FANCM: variants seen among roughly 807,000 people sequenced by gnomAD.
The protein encoded by FANCM is Fanconi anemia group M protein.
A neutral mutation model predicts 199.5 loss-of-function variants in FANCM; 140 were observed. The ratio of observed to expected loss-of-function variants is 0.70; its 90% CI spans 0.61 to 0.81. FANCM has a LOEUF of 0.81. FANCM is among the 30% of genes least tolerant of loss of function. FANCM has a pLI of 0.00. For synonymous variants in FANCM, 840 were observed against 836.8 expected (o/e 1.00, Z -0.07); for missense variants, 2,410 against 2,421.4 (o/e 1.00, Z 0.10).
At position 45,154,211 on chromosome 14, in the gene FANCM, G is replaced by A. The variant is rs192890750; in HGVS notation, c.1183+159G>A. 2.9e-3 allele frequency among the ~76,000 whole-genome samples: 437 copies of A among 152,104 alleles called. 5 individuals are homozygous for A. Among genetic ancestry groups the A allele is most frequent in the Admixed American group, 0.021 (316 of 15,268 alleles). On this transcript the variant is annotated intron_variant, in intron 6 of 22. Transcript: ENST00000267430. ...AGGTCAGGAGTTCAAGACCAGCCTG[G>A]CCAACATGGTGAAACCCTGTCTCTA...
rs117392855 is a variant in FANCM at position 45,173,084 on chromosome 14, A to G, written c.2190A>G (p.Gln730=). ...PAQESTTGIH[Q]LSLSEWRLWQ... ...AAGAATCAACCACTGGAATTCATCA[A>G]CTCTCTCTCTCTGAATGGAGACTGT... The change falls in exon 13 of 23, where the codon CAA becomes CAG. Residue 730 remains glutamine (Q), a synonymous_variant. Transcript: ENST00000267430. 1.5e-3 allele frequency: 2,474 copies of G among 1,608,246 alleles called. 43 individuals are homozygous for G. The East Asian group carries it at 0.041, about 27-fold the overall frequency.
chr14:45,143,850 T>C (rs1338397737), intron 3 of FANCM, among the ~76,000 whole-genome samples: 1 of 151,658 alleles, frequency 6.6e-6, no homozygotes, highest in Non-Finnish European at 1.5e-5. Context: ...CCCACCACCA[T>C]GCTCAGCTAA....
In FANCM at chr14:45,196,458, A is replaced by G. The variant is rs45557033; in HGVS notation, c.5627A>G (p.Asn1876Ser). The G allele has an allele frequency of 0.027, 43,422 of 1,614,114 alleles. 741 individuals carry two copies. Among genetic ancestry groups the G allele is most frequent in the Non-Finnish European group, 0.031 (36,804 of 1,179,952 alleles). ...CAATCTGAGATGTTAAATAGTGTCA[A>G]TAAGAACAAGTTCATTGAGCAGATC... ...RSQSEMLNSV[N>S]KNKFIEQIQH... The change falls in exon 21 of 23, where the codon AAT becomes AGT. Residue 1876 changes from asparagine to serine, a missense_variant. Transcript: ENST00000267430.
chr14:45,175,051 T>A lies in FANCM; in HGVS notation c.2317-20T>A. ...TTTGTTTTGTTTTCCTGTGGCTTTTTAAATTTTCCTTATTTATAGGGAGAA... is the reference window on the plus strand; with the variant it reads ...TTTGTTTTGTTTTCCTGTGGCTTTTAAAATTTTCCTTATTTATAGGGAGAA... On this transcript the variant is annotated intron_variant, in intron 13 of 22. Transcript: ENST00000267430. 6.5e-7 allele frequency: 1 copy of A among 1,545,656 alleles called. No homozygotes were observed. Among genetic ancestry groups the A allele is most frequent in the Non-Finnish European group, 8.9e-7 (1 of 1,120,294 alleles).
At chr14:45,156,213 A>C (rs561767107) in intron 8 of FANCM, among the ~76,000 whole-genome samples, 31 of 152,322 alleles carry the variant, frequency 2.0e-4, no homozygotes, top group Non-Finnish European at 4.1e-4. Flanking sequence ...TAAAAATAGC[A>C]GATTCAAAGG....
intron 3 of FANCM, among the ~76,000 whole-genome samples, chr14:45,145,581 C>T (rs1594761825): frequency 6.6e-6 from 1 of 152,206 alleles, no homozygotes; most frequent in Non-Finnish European, 1.5e-5. Flanking sequence ...TCTTTCTCCA[C>T]ACCACAGGGC....
chr14:45,146,053 C>T (rs1380162251), intron 3 of FANCM, among the ~76,000 whole-genome samples: 25 of 131,802 alleles, frequency 1.9e-4, no homozygotes, highest in African/African-American at 2.6e-4. Context: ...AGCGAGACTC[C>T]GTCTCAAAAA....
chr14:45,157,071 A>G lies in FANCM; in HGVS notation c.1396+1612A>G, dbSNP rs149152324. On this transcript the variant is annotated intron_variant, in intron 8 of 22. Transcript: ENST00000267430. ...ATATGTATGTTAATTAGCTTGATTTAGCCATTTCACAATGTATATAGACAT... is the reference window on the plus strand; with the variant it reads ...ATATGTATGTTAATTAGCTTGATTTGGCCATTTCACAATGTATATAGACAT... Among the ~76,000 whole-genome samples, 163 of 152,278 alleles carry G rather than the reference A, an allele frequency of 1.1e-3. 1 individual carries two copies. The South Asian group carries it at 0.018, about 17-fold the overall frequency.
rs1308838893 is a variant in FANCM at position 45,136,026 on chromosome 14, G to C, written c.-6G>C. The C allele has an allele frequency of 1.2e-6, 2 of 1,613,068 alleles. No homozygotes were observed. Among genetic ancestry groups the C allele is most frequent in the South Asian group, 1.1e-5 (1 of 91,068 alleles). ...CTGACAGAAGCCTTCGGTGGTTGTC[G>C]GCCTAATGAGCGGACGGCAAAGAAC... is the stretch of plus-strand genomic sequence containing the variant. On this transcript the variant is annotated 5_prime_UTR_variant, in exon 1 of 23. Coordinates refer to ENST00000267430, the MANE Select transcript of FANCM (RefSeq NM_020937.4).
Position 45,148,978 on chromosome 14 carries a change from C to T in FANCM, c.901C>T (p.Gln301Ter). 1 of 1,613,484 alleles carries T rather than the reference C, an allele frequency of 6.2e-7. No homozygotes were observed. The highest frequency in any genetic ancestry group is 1.7e-5 in the Admixed American group (1 of 59,992). The change falls in exon 4 of 23, where the codon CAA becomes TAA. Residue 301 changes from glutamine (Q) to a stop codon, truncating the protein, a stop_gained. Transcript: ENST00000267430. LOFTEE classifies it high-confidence loss of function. ...GCTTGGTGAAGAACTTGCAGCCATC[C>T]AAAAGACCTATATCCAGGTAAACCA... ...VPLGEELAAI[Q>*]KTYIQILESF...
intron 13 of FANCM, among the ~76,000 whole-genome samples, chr14:45,174,643 G>A (rs937656104): frequency 5.3e-5 from 8 of 151,964 alleles, no homozygotes; most frequent in Admixed American, 6.6e-5. Flanking sequence ...CATTCCAAAA[G>A]CTATTCTTAG....
rs777275016 is a variant in FANCM, at chr14:45,196,229, C to T, written c.5398C>T (p.Pro1800Ser). 6.2e-6 allele frequency: 10 copies of T among 1,613,924 alleles called. No individual in the cohort carries two copies. Among genetic ancestry groups the T allele is most frequent in the Non-Finnish European group, 7.6e-6 (9 of 1,179,874 alleles). ...AGGGGCATCCTGTTCCAAGTCAAGA[C>T]CACATTTAGCTGGGACACATACTTC... is the stretch of plus-strand genomic sequence containing the variant. ...TSGASCSKSR[P>S]HLAGTHTSLR... The change falls in exon 21 of 23, where the codon CCA becomes TCA. Residue 1800 changes from proline (P) to serine (S), a missense_variant. Coordinates refer to ENST00000267430, the MANE Select transcript of FANCM (RefSeq NM_020937.4).
At position 45,167,158 on chromosome 14, in the gene FANCM, G is replaced by A. The variant is rs1334651114; in HGVS notation, c.1997G>A (p.Arg666Lys). ...CGAAAGTCATCTATCTTTTCCTATA[G>A]GGATGGTAAATAAATTTTGCATTTG... is the stretch of plus-strand genomic sequence containing the variant. ...LQRKSSIFSY[R>K]DGMRQSSLKK... is the part of the protein sequence containing the mutation. The change falls in exon 11 of 23, where the codon AGG becomes AAG. Residue 666 changes from arginine (R) to lysine (K), a missense_variant. Transcript: ENST00000267430. 3 of 1,600,990 alleles carry A rather than the reference G, an allele frequency of 1.9e-6. No homozygotes were observed. The highest frequency in any genetic ancestry group is 2.6e-6 in the Non-Finnish European group (3 of 1,168,102).
At chr14:45,182,455 G>T (rs1207776875) in intron 16 of FANCM, among the ~76,000 whole-genome samples, 2 of 152,186 alleles carry the variant, frequency 1.3e-5, no homozygotes, top group Non-Finnish European at 2.9e-5. Context: ...TTTTTGGCTT[G>T]AGCTGTTTGG....
chr14:45,158,107 A>G (rs1179435077), intron 8 of FANCM, among the ~76,000 whole-genome samples: 1 of 152,146 alleles, frequency 6.6e-6, no homozygotes, highest in Non-Finnish European at 1.5e-5. Flanking sequence ...ATGAGGTGGG[A>G]GGATCACCTG....
At chr14:45,191,236 G>T (rs1462839419) in intron 20 of FANCM, among the ~76,000 whole-genome samples, 1 of 152,014 alleles carries the variant, frequency 6.6e-6, no homozygotes, top group African/African-American at 2.4e-5. Context: ...TGTGTCTTAG[G>T]GTGTCAATTT....
At chr14:45,195,486 C>T (rs532307927) in intron 20 of FANCM, 10 of 453,974 alleles carry the variant, frequency 2.2e-5, no homozygotes, top group East Asian at 2.1e-4. Context: ...GACAGAGGTT[C>T]GGACATCTAG....
chr14:45,179,807 G>A (rs935893991), intron 14 of FANCM, among the ~76,000 whole-genome samples: 1 of 152,058 alleles, frequency 6.6e-6, no homozygotes, highest in African/African-American at 2.4e-5. Context: ...TGATCCGCCT[G>A]CCTCTGCCTC....
chr14:45,199,929 A>G lies in FANCM; in HGVS notation c.6068A>G (p.Tyr2023Cys), dbSNP rs750156990. 7 of 1,605,258 alleles carry G rather than the reference A, an allele frequency of 4.4e-6. No individual in the cohort carries two copies. The Admixed American group carries it at 1.2e-4, about 27-fold the overall frequency. ...QVTHQKAEEI[Y>C]RYIHYVFDIQ... Reference sequence around the variant, plus strand: ...ACTCATCAGAAGGCTGAGGAGATCTATAGATATATTCACTATGTATTTGAC... The same window carrying G: ...ACTCATCAGAAGGCTGAGGAGATCTGTAGATATATTCACTATGTATTTGAC... The change falls in exon 23 of 23, where the codon TAT becomes TGT. Residue 2023 changes from tyrosine (Y) to cysteine (C), a missense_variant. Tyr to Cys is a radical substitution (Grantham distance 194, BLOSUM62 -2). Transcript: ENST00000267430.
Sources: gnomAD v4.1 joint callset for allele counts (sites outside exome capture counted in the v4.1 genomes callset) on GRCh38, gnomAD v4.1.1 for gene constraint, MANE v1.5 for transcripts, NCBI Gene and HGNC (gene_info 2026-07-23, HGNC 2026-07-21) for gene names.